The following RORA variants were observed in gnomAD, a reference collection of about 807,000 sequenced individuals.
RORA encodes the protein RAR related orphan receptor A, also known as nuclear receptor ROR-alpha.
A neutral mutation model predicts 69.5 loss-of-function variants in RORA; 7 were observed. The ratio of observed to expected loss-of-function variants is 0.10; its 90% CI spans 0.06 to 0.19. The LOEUF (loss-of-function observed/expected upper bound fraction) is 0.19. RORA is among the 10% of genes least tolerant of loss of function. RORA has a pLI of 1.00. For synonymous variants in RORA, 261 were observed against 240.8 expected (o/e 1.08, Z -0.78); for missense variants, 457 against 663.0 (o/e 0.69, Z 3.41).
At chr15:61,026,508 ACTT>A (rs1382600590) in intron 1 of RORA, among the ~76,000 whole-genome samples, 13 of 152,166 alleles carry the variant, frequency 8.5e-5, no homozygotes, top group Admixed American at 2.6e-4. Flanking sequence ...AATCAAGTAT[ACTT>A]CTTTCTGTCT....
intron 2 of RORA, among the ~76,000 whole-genome samples, chr15:60,652,052 G>A (rs930277144): frequency 1.3e-4 from 19 of 151,478 alleles, no homozygotes; most frequent in Non-Finnish European, 2.8e-4. Context: ...TCCCGCCTCT[G>A]ATCTCAACCT....
At chr15:60,829,214 G>C (rs1362635698) in intron 1 of RORA, among the ~76,000 whole-genome samples, 1 of 152,140 alleles carries the variant, frequency 6.6e-6, no homozygotes, top group Non-Finnish European at 1.5e-5. Flanking sequence ...TTTGCAGCAG[G>C]AAGGCTTCAT....
chr15:61,201,355 G>A (rs2079893811), intron 1 of RORA, among the ~76,000 whole-genome samples: 1 of 152,164 alleles, frequency 6.6e-6, no homozygotes, highest in Non-Finnish European at 1.5e-5. Flanking sequence ...CTGGGTTAGG[G>A]GAGTCAGGTC....
At chr15:60,568,865 T>C (rs2067790138) in intron 2 of RORA, among the ~76,000 whole-genome samples, 1 of 151,538 alleles carries the variant, frequency 6.6e-6, no homozygotes, top group Non-Finnish European at 1.5e-5. Context: ...GAGTTGTTGA[T>C]GACAAAGTGA....
chr15:60,946,189 G>A (rs937253881), intron 1 of RORA, among the ~76,000 whole-genome samples: 4 of 152,164 alleles, frequency 2.6e-5, no homozygotes, highest in Admixed American at 6.5e-5. Context: ...TCCCATGGGA[G>A]AGCAGCTGCA....
intron 1 of RORA, among the ~76,000 whole-genome samples, chr15:61,037,158 G>C (rs538618322): frequency 9.2e-5 from 14 of 152,100 alleles, no homozygotes; most frequent in Admixed American, 2.6e-4. Flanking sequence ...CTTCAAAATG[G>C]GATAATGGGA....
At chr15:60,549,408 G>T (rs1356480271) in intron 2 of RORA, among the ~76,000 whole-genome samples, 1 of 152,160 alleles carries the variant, frequency 6.6e-6, no homozygotes, top group Non-Finnish European at 1.5e-5. Context: ...AGGCATCACG[G>T]AATAGGCTAA....
intron 3 of RORA, among the ~76,000 whole-genome samples, chr15:60,523,498 T>A (rs1046748980): frequency 6.6e-6 from 1 of 152,212 alleles, no homozygotes; most frequent in African/African-American, 2.4e-5. Context: ...AGATAGACAC[T>A]TTTTGCTTTC....
intron 1 of RORA, among the ~76,000 whole-genome samples, chr15:60,840,908 CAA>C (rs35721820): frequency 6.6e-6 from 1 of 152,050 alleles, no homozygotes; most frequent in African/African-American, 2.4e-5. Flanking sequence ...AGCTGTTACC[CAA>C]AAAAAGCAAC....
At chr15:60,971,889 A>T (rs753657229) in intron 1 of RORA, among the ~76,000 whole-genome samples, 12 of 152,114 alleles carry the variant, frequency 7.9e-5, no homozygotes, top group Non-Finnish European at 1.8e-4. Context: ...CCCTCCCACC[A>T]TTGGGCTGTC....
intron 1 of RORA, among the ~76,000 whole-genome samples, chr15:60,793,317 C>A (rs915446370): frequency 1.3e-5 from 2 of 152,178 alleles, no homozygotes; most frequent in African/African-American, 4.8e-5. Flanking sequence ...CATTCAAGAA[C>A]TAATAAGGCT....
chr15:61,124,730 C>G (rs1251573967), intron 1 of RORA, among the ~76,000 whole-genome samples: 1 of 152,174 alleles, frequency 6.6e-6, no homozygotes, highest in Non-Finnish European at 1.5e-5. Flanking sequence ...AAAACCCAGG[C>G]TCTGTTACTA....
intron 1 of RORA, among the ~76,000 whole-genome samples, chr15:61,045,178 G>A (rs1050853760): frequency 2.0e-5 from 3 of 152,116 alleles, no homozygotes; most frequent in Admixed American, 6.5e-5. Context: ...ATTGAATCAT[G>A]GGGGTGGGTC....
intron 2 of RORA, among the ~76,000 whole-genome samples, chr15:60,631,393 T>C (rs1186567073): frequency 6.6e-6 from 1 of 152,182 alleles, no homozygotes; most frequent in African/African-American, 2.4e-5. Flanking sequence ...TCCACATTCC[T>C]AGGCATTTTA....
chr15:60,616,543 C>T (rs763548888), intron 2 of RORA, among the ~76,000 whole-genome samples: 1 of 152,032 alleles, frequency 6.6e-6, no homozygotes, highest in Non-Finnish European at 1.5e-5. Context: ...AAACAAGAGC[C>T]GGGAAGAGCA....
intron 1 of RORA, among the ~76,000 whole-genome samples, chr15:60,808,843 A>C (rs2072699721): frequency 6.6e-6 from 1 of 152,094 alleles, no homozygotes. Flanking sequence ...TGGTGTTTGC[A>C]GCAACGTGGA....
intron 1 of RORA, among the ~76,000 whole-genome samples, chr15:60,977,069 T>A (rs1533940): frequency 6.7e-6 from 1 of 149,852 alleles, no homozygotes. Flanking sequence ...CAATAATGTA[T>A]GTGGTTACCT....
At chr15:60,754,189 A>G (rs990170379) in intron 1 of RORA, among the ~76,000 whole-genome samples, 1 of 152,098 alleles carries the variant, frequency 6.6e-6, no homozygotes, top group African/African-American at 2.4e-5. Context: ...AGGTATTTTT[A>G]TTTGTCTGCT....
At chr15:61,074,489 T>C (rs2078417934) in intron 1 of RORA, among the ~76,000 whole-genome samples, 2 of 152,236 alleles carry the variant, frequency 1.3e-5, no homozygotes. Flanking sequence ...AAACCATTTC[T>C]TCTTAACTAA....
Sources: gnomAD v4.1 joint callset for allele counts (sites outside exome capture counted in the v4.1 genomes callset) on GRCh38, gnomAD v4.1.1 for gene constraint, MANE v1.5 for transcripts, NCBI Gene and HGNC (gene_info 2026-07-23, HGNC 2026-07-21) for gene names.